Variants in DSCAM observed in about 807,000 individuals in gnomAD.
DSCAM encodes the protein DS cell adhesion molecule, also known as cell adhesion molecule DSCAM.
DSCAM carries 47 observed loss-of-function variants against 217.7 expected under a neutral mutation model. The observed-to-expected ratio is 0.22, with a 90% CI of 0.17 to 0.28. DSCAM has a LOEUF of 0.28. Among genes scored for constraint, DSCAM ranks in the 10% least tolerant of loss-of-function variants. DSCAM has a pLI of 1.00. For missense variants in DSCAM, 2,080 were observed against 2,618.3 expected, an observed-to-expected ratio of 0.79 and a Z score of 4.49; for synonymous variants, 1,056 against 1,015.3, an observed-to-expected ratio of 1.04 and a Z score of -0.76.
intron 16 of DSCAM, among the ~76,000 whole-genome samples, chr21:40,147,915 A>T (rs549731594): frequency 6.6e-6 from 1 of 152,202 alleles, no homozygotes; most frequent in African/African-American, 2.4e-5. Flanking sequence ...CACCTTCACA[A>T]TATAGTTTCT....
rs115695867 is a variant in DSCAM at position 40,643,495 on chromosome 21, T to C, written c.508+49315A>G. Among the ~76,000 whole-genome samples, 268 of 152,298 alleles carry C rather than the reference T, an allele frequency of 1.8e-3. 4 individuals carry two copies. In the South Asian group the frequency reaches 0.021, roughly 12 times the overall value. ...TCAGGGGAGAAACTACCTCCACAGG[T>C]CACCCACCAATTTCAGAGTGGACTG... On this transcript the variant is annotated intron_variant, in intron 3 of 32. Coordinates refer to ENST00000400454, the MANE Select transcript of DSCAM (RefSeq NM_001389.5).
At chr21:40,762,278 A>T (rs1310002748) in intron 1 of DSCAM, among the ~76,000 whole-genome samples, 6 of 152,220 alleles carry the variant, frequency 3.9e-5, no homozygotes, top group Non-Finnish European at 5.9e-5. Flanking sequence ...GATAAAGGGG[A>T]TATCACCACT....
chr21:40,137,669 TGA>T (rs2146700412), intron 18 of DSCAM, among the ~76,000 whole-genome samples: 1 of 151,644 alleles, frequency 6.6e-6, no homozygotes, highest in East Asian at 1.9e-4. Context: ...ATTGTTCAGT[TGA>T]GGTCATGAGT....
In DSCAM at chr21:40,662,853, T is replaced by C. The variant is rs2090153260; in HGVS notation, c.508+29957A>G. On this transcript the variant is annotated intron_variant, in intron 3 of 32. Transcript: ENST00000400454. ...GCCTCCAGAGCCATGAGAAATGAAC[T>C]GTTGTAGTTTCAGCGACGCAGTCCA... Among the ~76,000 whole-genome samples, 2 of 152,056 alleles carry C rather than the reference T, an allele frequency of 1.3e-5. 1 individual carries two copies. Among genetic ancestry groups the C allele is most frequent in the South Asian group, 4.1e-4 (2 of 4,822 alleles).
intron 32 of DSCAM, among the ~76,000 whole-genome samples, chr21:40,018,804 G>T (rs962753097): frequency 2.0e-4 from 30 of 152,336 alleles, no homozygotes; most frequent in African/African-American, 7.0e-4. Flanking sequence ...ACAGCTCAGT[G>T]TTACATCTTT....
At chr21:40,407,787 C>A (rs2075291276) in intron 3 of DSCAM, among the ~76,000 whole-genome samples, 1 of 152,200 alleles carries the variant, frequency 6.6e-6, no homozygotes, top group African/African-American at 2.4e-5. Context: ...ACAAGCTGCC[C>A]TCCAGAACCC....
At chr21:40,461,567 G>A (rs2075806058) in intron 3 of DSCAM, among the ~76,000 whole-genome samples, 1 of 152,026 alleles carries the variant, frequency 6.6e-6, no homozygotes, top group Non-Finnish European at 1.5e-5. Flanking sequence ...AGGTGTGACA[G>A]GTAGAATAAT....
intron 3 of DSCAM, among the ~76,000 whole-genome samples, chr21:40,393,220 A>G (rs1478902753): frequency 1.3e-5 from 2 of 152,178 alleles, no homozygotes; most frequent in South Asian, 2.1e-4. Context: ...CTTCAAAGCC[A>G]TACCCAAAGG....
intron 3 of DSCAM, among the ~76,000 whole-genome samples, chr21:40,454,786 AGACTTTGGTGAT>A (rs566088955): frequency 0.013 from 1,939 of 152,302 alleles, 36 homozygotes; most frequent in African/African-American, 0.044. Context: ...GCTTAATCAC[AGACTTTGGTGAT>A]GACTTTGGTG....
intron 11 of DSCAM, among the ~76,000 whole-genome samples, chr21:40,210,804 C>T (rs1444719134): frequency 6.6e-6 from 1 of 152,244 alleles, no homozygotes; most frequent in African/African-American, 2.4e-5. Context: ...CTCAGCCTCT[C>T]AAAGTGCTGG....
chr21:40,069,360 C>T (rs1336143961), intron 27 of DSCAM, among the ~76,000 whole-genome samples: 8 of 152,142 alleles, frequency 5.3e-5, no homozygotes, highest in Admixed American at 2.0e-4. Context: ...TTATAGACCA[C>T]AGCTTGCATC....
rs1347758925 is a variant in DSCAM, at chr21:40,226,994, T to C, written c.2357-37756A>G. On this transcript the variant is annotated intron_variant, in intron 11 of 32. Transcript: ENST00000400454. ...TAGTTCCCACTTGTAAGTGAGAACA[T>C]GTAGTATTTGTTTTCTGTCCCTCCG... Among the ~76,000 whole-genome samples the C allele has an allele frequency of 3.9e-5, 6 of 152,306 alleles. No individual in the cohort carries two copies. In the South Asian group the frequency reaches 8.3e-4, roughly 21 times the overall value.
At position 40,215,225 on chromosome 21, in the gene DSCAM, C is replaced by CAAA. The variant is rs1162761613; in HGVS notation, c.2357-25990_2357-25988dup. Among the ~76,000 whole-genome samples the CAAA allele has an allele frequency of 3.7e-3, 20 of 5,478 alleles. 5 individuals are homozygous for CAAA. The highest frequency in any genetic ancestry group is 4.3e-3 in the African/African-American group (10 of 2,340). The allele number at this position is 5,478 out of a possible 152,430, so 3.6% of individuals were successfully genotyped here. A position where few individuals can be genotyped will look rare whatever the true frequency, so the allele number is the denominator to read the frequency against. ...TGGGCGACAGAGCGAGACTCCGTCT[C>CAAA]AAAAAAAAAAAAAAAAAAAAAAAAA... is the stretch of plus-strand genomic sequence containing the variant. On this transcript the variant is annotated intron_variant, in intron 11 of 32. Coordinates refer to ENST00000400454, the MANE Select transcript of DSCAM (RefSeq NM_001389.5).
intron 3 of DSCAM, among the ~76,000 whole-genome samples, chr21:40,454,207 A>G (rs992700067): frequency 4.6e-5 from 7 of 152,192 alleles, no homozygotes; most frequent in Admixed American, 6.5e-5. Flanking sequence ...GGGACTGTTC[A>G]GGTTTCATTC....
At chr21:40,498,709 ATGGGTGTATATATATATGGGTG>A (rs2076144067) in intron 3 of DSCAM, among the ~76,000 whole-genome samples, 2 of 5,458 alleles carry the variant, frequency 3.7e-4, no homozygotes, top group African/African-American at 2.0e-3. Context: ...ATATATATAT[ATGGGTGTATATATATATGGGTG>A]TGTGTATATA....
chr21:40,636,384 G>C (rs1001657824), intron 3 of DSCAM, among the ~76,000 whole-genome samples: 1 of 152,084 alleles, frequency 6.6e-6, no homozygotes, highest in African/African-American at 2.4e-5. Flanking sequence ...GAGGGAGAGA[G>C]AGAGAAAGAA....
At chr21:40,792,951 G>A (rs8134517) in intron 1 of DSCAM, among the ~76,000 whole-genome samples, 1 of 151,788 alleles carries the variant, frequency 6.6e-6, no homozygotes, top group East Asian at 1.9e-4. Context: ...GAGATTCTGG[G>A]GAGGAGGGGA....
intron 1 of DSCAM, among the ~76,000 whole-genome samples, chr21:40,828,638 A>G (rs944166358): frequency 4.1e-5 from 6 of 146,286 alleles, no homozygotes; most frequent in Non-Finnish European, 8.9e-5. Flanking sequence ...TCCCTCAGGA[A>G]CCAGGGGACA....
chr21:40,236,445 A>G (rs2837527), intron 11 of DSCAM, among the ~76,000 whole-genome samples: 69,323 of 151,924 alleles, frequency 0.46, 16,236 homozygotes, highest in African/African-American at 0.55. Flanking sequence ...CAAAATCTGT[A>G]CAGAACTTCC....
Sources: gnomAD v4.1 joint callset for allele counts (sites outside exome capture counted in the v4.1 genomes callset) on GRCh38, gnomAD v4.1.1 for gene constraint, MANE v1.5 for transcripts, NCBI Gene and HGNC (gene_info 2026-07-23, HGNC 2026-07-21) for gene names.